The following ZBTB7C variants were observed in gnomAD, a reference collection of about 807,000 sequenced individuals.
ZBTB7C encodes the protein zinc finger and BTB domain containing 7C, also known as zinc finger and BTB domain-containing protein 7C.
ZBTB7C carries 8 observed loss-of-function variants against 25.7 expected under a neutral mutation model. The ratio of observed to expected loss-of-function variants is 0.31; its 90% confidence interval spans 0.18 to 0.56. ZBTB7C has a LOEUF of 0.56. ZBTB7C is among the 20% of genes least tolerant of loss of function. The probability of loss-of-function intolerance (pLI) is 0.91; values close to 1 mark genes in which losing one functional copy is unlikely to be tolerated. For missense variants in ZBTB7C, 824 were observed against 855.2 expected, an observed-to-expected ratio of 0.96 and a Z score of 0.46; for synonymous variants, 394 against 369.0, an observed-to-expected ratio of 1.07 and a Z score of -0.78.
chr18:48,333,898 A>G (rs1438960883), intron 2 of ZBTB7C, among the ~76,000 whole-genome samples: 1 of 152,226 alleles, frequency 6.6e-6, no homozygotes, highest in Non-Finnish European at 1.5e-5. Context: ...CCAGGACCAG[A>G]GAATTTCCAT....
chr18:48,113,032 C>T (rs967371533), intron 3 of ZBTB7C, among the ~76,000 whole-genome samples: 23 of 152,322 alleles, frequency 1.5e-4, no homozygotes, highest in African/African-American at 5.5e-4. Flanking sequence ...GAGAACCCAA[C>T]TTTGATTACC....
At chr18:48,086,978 T>C (rs767745182) in intron 3 of ZBTB7C, among the ~76,000 whole-genome samples, 1 of 152,220 alleles carries the variant, frequency 6.6e-6, no homozygotes, top group Non-Finnish European at 1.5e-5. Flanking sequence ...ACATATATTG[T>C]TTTTCAGTAA....
At chr18:48,384,857 T>C (rs1568415361) in intron 1 of ZBTB7C, among the ~76,000 whole-genome samples, 1 of 152,124 alleles carries the variant, frequency 6.6e-6, no homozygotes, top group African/African-American at 2.4e-5. Flanking sequence ...AATTTTTGTA[T>C]TTTTAGTAGA....
intron 4 of ZBTB7C, among the ~76,000 whole-genome samples, chr18:48,034,442 G>C (rs1042143494): frequency 9.9e-5 from 15 of 152,060 alleles, no homozygotes; most frequent in Admixed American, 9.8e-4. Flanking sequence ...GGACACTGAT[G>C]CTCTATCCTT....
intron 3 of ZBTB7C, among the ~76,000 whole-genome samples, chr18:48,063,201 G>T (rs1318385515): frequency 4.6e-5 from 7 of 152,208 alleles, no homozygotes; most frequent in African/African-American, 1.7e-4. Flanking sequence ...TGGGATGGTT[G>T]GTCACCCTCG....
chr18:48,219,725 C>G (rs913385838), intron 2 of ZBTB7C, among the ~76,000 whole-genome samples: 1 of 152,214 alleles, frequency 6.6e-6, no homozygotes, highest in Non-Finnish European at 1.5e-5. Flanking sequence ...GATCTCTGAG[C>G]AAGGAGTCTT....
chr18:48,193,274 A>AC (rs2042240437), intron 2 of ZBTB7C, among the ~76,000 whole-genome samples: 1 of 152,012 alleles, frequency 6.6e-6, no homozygotes, highest in Non-Finnish European at 1.5e-5. Context: ...CTGAGAATAC[A>AC]CCCCGGGCCA....
intron 2 of ZBTB7C, among the ~76,000 whole-genome samples, chr18:48,250,323 A>G (rs1250361987): frequency 2.6e-5 from 4 of 152,150 alleles, no homozygotes; most frequent in Non-Finnish European, 5.9e-5. Flanking sequence ...GCTAGATCCT[A>G]GCTGGGAGAC....
intron 1 of ZBTB7C, among the ~76,000 whole-genome samples, chr18:48,381,873 C>G (rs1292517862): frequency 3.3e-5 from 5 of 152,174 alleles, no homozygotes; most frequent in African/African-American, 1.2e-4. Context: ...CACACAATGG[C>G]TTTTAAGCTT....
chr18:48,349,019 T>C (rs2046804151), intron 1 of ZBTB7C, among the ~76,000 whole-genome samples: 1 of 152,014 alleles, frequency 6.6e-6, no homozygotes, highest in Admixed American at 6.6e-5. Context: ...ATGGGAGGCA[T>C]GGAAGCTGGG....
chr18:48,119,288 T>G (rs2039547024), intron 3 of ZBTB7C, among the ~76,000 whole-genome samples: 1 of 152,266 alleles, frequency 6.6e-6, no homozygotes, highest in South Asian at 2.1e-4. Context: ...CCTGATCTTC[T>G]TAATCTTTGA....
intron 3 of ZBTB7C, among the ~76,000 whole-genome samples, chr18:48,177,139 A>C (rs2041707345): frequency 6.6e-6 from 1 of 152,240 alleles, no homozygotes; most frequent in African/African-American, 2.4e-5. Flanking sequence ...CTACATTTCC[A>C]AGAGCCATTT....
rs182227722 is a variant in ZBTB7C, at chr18:48,117,381, G to A, written c.-17+68553C>T. 2.0e-5 allele frequency among the ~76,000 whole-genome samples: 3 copies of A among 152,302 alleles called. No homozygotes were observed. The East Asian group carries it at 5.8e-4, about 29-fold the overall frequency. ...AGTGGAAGTCTTGGATGGCTCAGGA[G>A]GTTCACTTAATCTCACTGTCTCAGT... On this transcript the variant is annotated intron_variant, in intron 3 of 4. Transcript: ENST00000590800.
intron 3 of ZBTB7C, among the ~76,000 whole-genome samples, chr18:48,172,661 G>A (rs1022947996): frequency 3.3e-5 from 5 of 152,236 alleles, no homozygotes; most frequent in Admixed American, 3.3e-4. Flanking sequence ...CTGGCAAGTC[G>A]AGGGCAATGA....
At chr18:48,179,671 CTCTCCT>C (rs1217568894) in intron 3 of ZBTB7C, among the ~76,000 whole-genome samples, 1 of 118,196 alleles carries the variant, frequency 8.5e-6, no homozygotes, top group African/African-American at 3.0e-5. Context: ...AGATATTTCT[CTCTCCT>C]TCCTTCCTTC....
intron 1 of ZBTB7C, among the ~76,000 whole-genome samples, chr18:48,407,384 C>T (rs747504749): frequency 2.0e-5 from 3 of 152,238 alleles, no homozygotes; most frequent in Non-Finnish European, 1.5e-5. Context: ...TAGTGTCAGA[C>T]TGGACTTTGC....
chr18:48,365,010 T>C (rs2047190959), intron 1 of ZBTB7C, among the ~76,000 whole-genome samples: 1 of 152,212 alleles, frequency 6.6e-6, no homozygotes, highest in African/African-American at 2.4e-5. Context: ...CAAGTTCCCA[T>C]GTGATGCTGG....
intron 3 of ZBTB7C, among the ~76,000 whole-genome samples, chr18:48,168,276 G>A (rs188541997): frequency 1.6e-3 from 239 of 152,328 alleles, no homozygotes; most frequent in African/African-American, 5.4e-3. Flanking sequence ...AACCTCCTGG[G>A]ATCCCTGCAC....
At chr18:48,181,468 C>T (rs2041921052) in intron 3 of ZBTB7C, among the ~76,000 whole-genome samples, 1 of 152,140 alleles carries the variant, frequency 6.6e-6, no homozygotes, top group Non-Finnish European at 1.5e-5. Context: ...ACAAACATTG[C>T]CTCGCCTCCT....
Sources: gnomAD v4.1 joint callset for allele counts (sites outside exome capture counted in the v4.1 genomes callset) on GRCh38, gnomAD v4.1.1 for gene constraint, MANE v1.5 for transcripts, NCBI Gene and HGNC (gene_info 2026-07-23, HGNC 2026-07-21) for gene names.